Variants in SUPT3H observed in about 807,000 individuals in gnomAD.
The protein encoded by SUPT3H is transcription initiation protein SPT3 homolog.
Under a neutral mutation model 44.3 loss-of-function variants are expected in SUPT3H, and 44 were observed. That is an observed-to-expected ratio of 0.99 (90% CI 0.78 to 1.28). SUPT3H has a LOEUF of 1.28. SUPT3H is among the 50% of genes most tolerant of loss of function. The probability of loss-of-function intolerance (pLI) is 0.00; values close to 1 mark genes in which losing one functional copy is unlikely to be tolerated. For synonymous variants in SUPT3H, 124 were observed against 125.6 expected (o/e 0.99, Z 0.09); for missense variants, 380 against 387.1 (o/e 0.98, Z 0.15).
chr6:45,108,703 G>T (rs1799634644), intron 2 of SUPT3H, among the ~76,000 whole-genome samples: 1 of 152,086 alleles, frequency 6.6e-6, no homozygotes, highest in South Asian at 2.1e-4. Context: ...TTGATAAAGT[G>T]AATCTGCTAA....
chr6:44,837,068 CT>C (rs1000670760), intron 10 of SUPT3H, among the ~76,000 whole-genome samples: 2 of 151,910 alleles, frequency 1.3e-5, no homozygotes, highest in Non-Finnish European at 2.9e-5. Context: ...ATCAAATACT[CT>C]TTTTTTTACA....
chr6:45,327,329 A>G (rs537176174), intron 2 of SUPT3H, among the ~76,000 whole-genome samples: 2 of 152,140 alleles, frequency 1.3e-5, no homozygotes, highest in African/African-American at 4.8e-5. Context: ...ATAGAATCAA[A>G]TACTGAACAA....
intron 6 of SUPT3H, among the ~76,000 whole-genome samples, chr6:44,984,784 A>G (rs1354535645): frequency 6.6e-6 from 1 of 152,162 alleles, no homozygotes; most frequent in Admixed American, 6.6e-5. Context: ...AAGGACATTA[A>G]CCATCAGGGC....
At chr6:45,302,542 TATATATATATATATGC>T (rs1392088364) in intron 2 of SUPT3H, among the ~76,000 whole-genome samples, 91 of 125,374 alleles carry the variant, frequency 7.3e-4, no homozygotes, top group African/African-American at 2.1e-3. Flanking sequence ...TATATATATA[TATATATATATATATGC>T]ATGCCACAAT....
intron 3 of SUPT3H, among the ~76,000 whole-genome samples, chr6:45,029,743 T>C (rs1786626981): frequency 6.6e-6 from 1 of 152,182 alleles, no homozygotes; most frequent in Non-Finnish European, 1.5e-5. Flanking sequence ...TAGTATTAAT[T>C]AACTGTAATT....
intron 10 of SUPT3H, among the ~76,000 whole-genome samples, chr6:44,858,307 T>C (rs1045390749): frequency 2.0e-5 from 3 of 152,220 alleles, no homozygotes; most frequent in African/African-American, 7.2e-5. Context: ...ATGTTACTAA[T>C]GACTAAATTT....
intron 2 of SUPT3H, among the ~76,000 whole-genome samples, chr6:45,226,316 T>C (rs1766927597): frequency 6.6e-6 from 1 of 152,152 alleles, no homozygotes; most frequent in Non-Finnish European, 1.5e-5. Flanking sequence ...ATACAATATA[T>C]ATTTGTATGT....
At chr6:45,078,085 C>G (rs1296056683) in intron 3 of SUPT3H, among the ~76,000 whole-genome samples, 1 of 152,158 alleles carries the variant, frequency 6.6e-6, no homozygotes, top group Non-Finnish European at 1.5e-5. Flanking sequence ...GTTGGCCAGA[C>G]TGGTCTTGAA....
intron 10 of SUPT3H, among the ~76,000 whole-genome samples, chr6:44,882,691 T>A (rs770597606): frequency 2.0e-5 from 3 of 152,162 alleles, no homozygotes; most frequent in Non-Finnish European, 4.4e-5. Flanking sequence ...TCCACCACGA[T>A]CACGTTGGCT....
intron 10 of SUPT3H, among the ~76,000 whole-genome samples, chr6:44,906,697 G>A (rs1766146920): frequency 6.6e-6 from 1 of 152,172 alleles, no homozygotes; most frequent in South Asian, 2.1e-4. Context: ...GGGAGGCAGA[G>A]GTTGCAGTGA....
intron 2 of SUPT3H, among the ~76,000 whole-genome samples, chr6:45,129,468 T>G (rs866950641): frequency 2.1e-4 from 32 of 152,180 alleles, no homozygotes; most frequent in African/African-American, 5.3e-4. Context: ...GGTTTCCTTG[T>G]GTAGATATTT....
chr6:45,284,590 A>T (rs933556374), intron 2 of SUPT3H, among the ~76,000 whole-genome samples: 1 of 152,220 alleles, frequency 6.6e-6, no homozygotes, highest in African/African-American at 2.4e-5. Context: ...TCTGAAATAG[A>T]GGCAATAATT....
chr6:45,347,618 C>T (rs1791147599), intron 2 of SUPT3H, among the ~76,000 whole-genome samples: 1 of 151,746 alleles, frequency 6.6e-6, no homozygotes, highest in Non-Finnish European at 1.5e-5. Flanking sequence ...GGTCTGTCTG[C>T]AAAAGCAAGG....
rs1772404185 is a variant in SUPT3H, at chr6:44,941,386, GA to G, written c.802-8624del. On this transcript the variant is annotated intron_variant, in intron 9 of 10. Transcript: ENST00000371459. ...GAAAAGCTATTTCTCCTTCATTTAT[GA>G]AGCTTAATCTTACTGTATACAAAAT... Among the ~76,000 whole-genome samples, 7 of 151,136 alleles carry G rather than the reference GA, an allele frequency of 4.6e-5. No individual in the cohort carries two copies. The Admixed American group carries it at 4.6e-4, about 10-fold the overall frequency.
At chr6:44,842,490 T>C (rs1159796645) in intron 10 of SUPT3H, among the ~76,000 whole-genome samples, 1 of 152,134 alleles carries the variant, frequency 6.6e-6, no homozygotes, top group Non-Finnish European at 1.5e-5. Context: ...CATGAGATCA[T>C]GAGGCTAGTC....
intron 7 of SUPT3H, among the ~76,000 whole-genome samples, chr6:44,958,741 T>G (rs1775574473): frequency 6.6e-6 from 1 of 150,920 alleles, no homozygotes; most frequent in Non-Finnish European, 1.5e-5. Context: ...CCTACCCAAC[T>G]AAACAATCAT....
intron 10 of SUPT3H, among the ~76,000 whole-genome samples, chr6:44,882,018 C>G (rs149085364): frequency 4.9e-4 from 75 of 151,904 alleles, no homozygotes; most frequent in African/African-American, 1.8e-3. Context: ...CTAGCAGAAG[C>G]CAAGACATAA....
At chr6:44,871,189 G>C (rs1470302160) in intron 10 of SUPT3H, among the ~76,000 whole-genome samples, 1 of 148,380 alleles carries the variant, frequency 6.7e-6, no homozygotes, top group South Asian at 2.3e-4. Context: ...TCCACCTCTG[G>C]GGGCAGGGCA....
At chr6:45,278,934 A>G (rs1777484108) in intron 2 of SUPT3H, among the ~76,000 whole-genome samples, 1 of 152,214 alleles carries the variant, frequency 6.6e-6, no homozygotes. Flanking sequence ...TAGAGTAGAT[A>G]CAATGTAGAA....
Sources: allele counts gnomAD v4.1 joint callset (sites outside exome capture counted in the v4.1 genomes callset), GRCh38; gene constraint gnomAD v4.1.1; transcripts MANE v1.5; gene names NCBI Gene and HGNC (gene_info 2026-07-23, HGNC 2026-07-21).